GALNT17: variants seen among roughly 807,000 people sequenced by gnomAD.
GALNT17 encodes UDP-GalNAc:polypeptide N-acetylgalactosaminyltransferase-like 3.
A neutral mutation model predicts 63.7 loss-of-function variants in GALNT17; 29 were observed. That is an observed-to-expected ratio of 0.46 (90% CI 0.34 to 0.62). The LOEUF is 0.62. Ranked by LOEUF, GALNT17 falls within the 20% of genes least tolerant of loss-of-function variation. The probability of loss-of-function intolerance (pLI) is 0.01; values close to 1 mark genes in which losing one functional copy is unlikely to be tolerated. For synonymous variants in GALNT17, 305 were observed against 318.3 expected (o/e 0.96, Z 0.45); for missense variants, 603 against 799.6 (o/e 0.75, Z 2.97).
rs371881642 is a variant in GALNT17 at position 71,530,392 on chromosome 7, A to T, written c.963-40893A>T. The stretch of plus-strand genomic sequence containing the variant: ...TCTCCTAAAGACTTTTAAAGGACGA[A>T]TGTTAGGAGATAAGTACTCATTTTC... On this transcript the variant is annotated intron_variant, in intron 5 of 10. Coordinates refer to ENST00000333538, the MANE Select transcript of GALNT17 (RefSeq NM_022479.3). 5.3e-5 allele frequency among the ~76,000 whole-genome samples: 8 copies of T among 152,188 alleles called. No homozygotes were observed. The East Asian group carries it at 7.7e-4, about 15-fold the overall frequency.
chr7:71,649,939 G>A (rs1379309516), intron 6 of GALNT17, among the ~76,000 whole-genome samples: 1 of 152,168 alleles, frequency 6.6e-6, no homozygotes, highest in African/African-American at 2.4e-5. Flanking sequence ...TTTCCAAGGG[G>A]TATCTCAGGC....
rs144919608 is a variant in GALNT17, at chr7:71,589,336, G to T, written c.1080+17934G>T. Among the ~76,000 whole-genome samples, 50 of 152,254 alleles carry T rather than the reference G, an allele frequency of 3.3e-4. 1 individual carries two copies. Among genetic ancestry groups the T allele is most frequent in the African/African-American group, 1.2e-3 (49 of 41,546 alleles). On this transcript the variant is annotated intron_variant, in intron 6 of 10. Coordinates refer to ENST00000333538, the MANE Select transcript of GALNT17 (RefSeq NM_022479.3). Reference sequence around the variant, plus strand: ...CTCACACCTGTAATCTCAGTGCTTTGAGAGGCTAAGACAGGAGAATCACTT... The same window carrying T: ...CTCACACCTGTAATCTCAGTGCTTTTAGAGGCTAAGACAGGAGAATCACTT...
intron 5 of GALNT17, among the ~76,000 whole-genome samples, chr7:71,421,445 A>T (rs571110414): frequency 3.2e-4 from 48 of 152,288 alleles, no homozygotes; most frequent in Non-Finnish European, 1.5e-4. Flanking sequence ...TTCTGGGGCT[A>T]TTTTATACTT....
At chr7:71,640,673 A>G (rs971375974) in intron 6 of GALNT17, among the ~76,000 whole-genome samples, 1 of 152,124 alleles carries the variant, frequency 6.6e-6, no homozygotes, top group Non-Finnish European at 1.5e-5. Flanking sequence ...AAAAAAACCA[A>G]TAACTATATT....
intron 1 of GALNT17, among the ~76,000 whole-genome samples, chr7:71,236,647 G>A (rs1789897015): frequency 6.6e-6 from 1 of 152,136 alleles, no homozygotes; most frequent in Admixed American, 6.5e-5. Context: ...CTCCTGGATC[G>A]CAGGATGCAA....
intron 2 of GALNT17, among the ~76,000 whole-genome samples, chr7:71,361,193 C>G (rs1227520611): frequency 6.6e-6 from 1 of 152,132 alleles, no homozygotes; most frequent in African/African-American, 2.4e-5. Flanking sequence ...ACAGTTTTTA[C>G]TATCTATACC....
chr7:71,171,285 C>T (rs10215643), intron 1 of GALNT17, among the ~76,000 whole-genome samples: 44,028 of 151,990 alleles, frequency 0.29, 7,149 homozygotes, highest in African/African-American at 0.44. Context: ...GAGGCCAAGG[C>T]GAGGGAATTG....
intron 1 of GALNT17, among the ~76,000 whole-genome samples, chr7:71,179,096 T>TC (rs1788690703): frequency 6.6e-6 from 1 of 152,074 alleles, no homozygotes. Flanking sequence ...ATACCCTGGG[T>TC]CCCCAAAATC....
chr7:71,429,601 G>C (rs940978719), intron 5 of GALNT17, among the ~76,000 whole-genome samples: 1 of 152,128 alleles, frequency 6.6e-6, no homozygotes, highest in African/African-American at 2.4e-5. Context: ...AGAGTGCAGT[G>C]GTGAGATCAT....
chr7:71,600,763 C>T (rs927058140), intron 6 of GALNT17, among the ~76,000 whole-genome samples: 1 of 151,412 alleles, frequency 6.6e-6, no homozygotes, highest in African/African-American at 2.4e-5. Flanking sequence ...TTTTTTCACT[C>T]TTTTTTTTAT....
intron 1 of GALNT17, among the ~76,000 whole-genome samples, chr7:71,137,992 T>G (rs1787819214): frequency 6.6e-6 from 1 of 152,210 alleles, no homozygotes; most frequent in South Asian, 2.1e-4. Flanking sequence ...TTTTCTATCT[T>G]GTGTGTATTA....
At chr7:71,366,083 G>A (rs114638693) in intron 2 of GALNT17, among the ~76,000 whole-genome samples, 2,395 of 152,176 alleles carry the variant, frequency 0.016, 66 homozygotes, top group African/African-American at 0.055. Flanking sequence ...GCACTCTTAC[G>A]AGAATCTAAT....
rs1353573466 is a variant in GALNT17 at position 71,305,819 on chromosome 7, A to T, written c.239-29731A>T. 3.9e-5 allele frequency among the ~76,000 whole-genome samples: 6 copies of T among 152,200 alleles called. No individual in the cohort carries two copies. In the East Asian group the frequency reaches 1.2e-3, roughly 29 times the overall value. Reference sequence around the variant, plus strand: ...CTGGCCTTAGAAGACTCTTCCTCTGACATCATCCAATTCATTCTGCCACTT... The same window carrying T: ...CTGGCCTTAGAAGACTCTTCCTCTGTCATCATCCAATTCATTCTGCCACTT... On this transcript the variant is annotated intron_variant, in intron 1 of 10. Coordinates refer to ENST00000333538, the MANE Select transcript of GALNT17 (RefSeq NM_022479.3).
intron 1 of GALNT17, among the ~76,000 whole-genome samples, chr7:71,186,963 T>TA (rs1210350533): frequency 6.6e-5 from 10 of 152,200 alleles, no homozygotes; most frequent in Non-Finnish European, 1.5e-4. Context: ...TGGCTTCCCT[T>TA]ACTTTCATCT....
intron 5 of GALNT17, among the ~76,000 whole-genome samples, chr7:71,551,923 A>G (rs1417532721): frequency 6.6e-6 from 1 of 152,162 alleles, no homozygotes. Context: ...ATGGAAATGC[A>G]AGGTGTGAGA....
In GALNT17 at chr7:71,420,977, C is replaced by T. The variant is rs1159816387; in HGVS notation, c.834C>T (p.Ile278=). The T allele has an allele frequency of 6.2e-7, 1 of 1,614,162 alleles. No individual in the cohort carries two copies. The highest frequency in any genetic ancestry group is 1.7e-5 in the Admixed American group (1 of 60,024). ...KRVILPSIDN[I]KQDNFEVQRY... ...TGATCCTCCCCTCCATTGACAACAT[C>T]AAACAGGACAACTTTGAGGTGCAGC... The change falls in exon 5 of 11, where the codon ATC becomes ATT. Residue 278 remains isoleucine, a synonymous_variant. Transcript: ENST00000333538.
chr7:71,197,843 C>T (rs1789084719), intron 1 of GALNT17, among the ~76,000 whole-genome samples: 1 of 151,370 alleles, frequency 6.6e-6, no homozygotes, highest in African/African-American at 2.5e-5. Context: ...TTTATTCATT[C>T]ATCTGTTGAT....
chr7:71,322,620 G>A (rs553576797), intron 1 of GALNT17, among the ~76,000 whole-genome samples: 81 of 152,176 alleles, frequency 5.3e-4, no homozygotes, highest in African/African-American at 1.3e-3. Context: ...TTTGTCCCCC[G>A]CTGAAATTCA....
At chr7:71,528,850 G>A (rs1788668802) in intron 5 of GALNT17, among the ~76,000 whole-genome samples, 1 of 152,054 alleles carries the variant, frequency 6.6e-6, no homozygotes, top group South Asian at 2.1e-4. Context: ...AAAAACAAAA[G>A]TTGACCGGGT....
Sources: gnomAD v4.1 joint callset for allele counts (sites outside exome capture counted in the v4.1 genomes callset) on GRCh38, gnomAD v4.1.1 for gene constraint, MANE v1.5 for transcripts, NCBI Gene and HGNC (gene_info 2026-07-23, HGNC 2026-07-21) for gene names.